Variants in PSME4 observed in about 807,000 individuals in gnomAD.
The protein encoded by PSME4 is proteasome activator complex subunit 4.
In PSME4, 89 loss-of-function variants were observed where a neutral mutation model predicts 253.9. The observed-to-expected ratio is 0.35, with a 90% CI of 0.30 to 0.42. The LOEUF (loss-of-function observed/expected upper bound fraction) is 0.42, where lower values mean the gene tolerates loss of function less well. PSME4 is among the 10% of genes least tolerant of loss of function. The pLI, the probability that PSME4 is intolerant of heterozygous loss-of-function variation, is 1.00. For synonymous variants in PSME4, 851 were observed against 759.2 expected (o/e 1.12, Z -1.99); for missense variants, 2,014 against 2,195.2 (o/e 0.92, Z 1.65).
Position 53,970,866 on chromosome 2 carries a change from G to T in PSME4, c.-82C>A. On this transcript the variant is annotated 5_prime_UTR_variant, in exon 1 of 47. Transcript: ENST00000404125. Reference sequence around the variant, plus strand: ...CCTCTCCGGGCTCCGCCTCCTCCGCGTCTTCGTCGCCCTGCGGCCGCTGGC... The same window carrying T: ...CCTCTCCGGGCTCCGCCTCCTCCGCTTCTTCGTCGCCCTGCGGCCGCTGGC... 8.3e-7 allele frequency: 1 copy of T among 1,202,254 alleles called. No individual in the cohort carries two copies. Among genetic ancestry groups the T allele is most frequent in the Non-Finnish European group, 1.1e-6 (1 of 922,390 alleles). 74.5% of individuals were successfully genotyped at this position (1,202,254 alleles called of 1,614,324 possible).
chr2:53,931,035 T>C (rs1668805350), intron 10 of PSME4, among the ~76,000 whole-genome samples: 1 of 152,226 alleles, frequency 6.6e-6, no homozygotes, highest in African/African-American at 2.4e-5. Context: ...CCCAGCACTT[T>C]GGGAGGCCAA....
chr2:53,867,312 T>C (rs115832771), intron 44 of PSME4, among the ~76,000 whole-genome samples: 4,700 of 152,040 alleles, frequency 0.031, 222 homozygotes, highest in African/African-American at 0.11. Flanking sequence ...CAAGAACAGC[T>C]TGGCCAACGT....
intron 24 of PSME4, among the ~76,000 whole-genome samples, chr2:53,907,654 T>C (rs1680720479): frequency 6.6e-6 from 1 of 152,154 alleles, no homozygotes; most frequent in African/African-American, 2.4e-5. Context: ...TACTGCTGAA[T>C]ATAAAACTGA....
chr2:53,970,277 G>A (rs1474653334), intron 1 of PSME4, among the ~76,000 whole-genome samples: 1 of 152,222 alleles, frequency 6.6e-6, no homozygotes, highest in Non-Finnish European at 1.5e-5. Context: ...CCCCAGGTGG[G>A]AAGACAACAA....
At chr2:53,951,578 C>A (rs1669999361) in intron 1 of PSME4, among the ~76,000 whole-genome samples, 1 of 152,154 alleles carries the variant, frequency 6.6e-6, no homozygotes, top group Non-Finnish European at 1.5e-5. Context: ...GAGGGAGGAG[C>A]AATGAGACGT....
rs199596247 is a variant in PSME4, at chr2:53,937,577, T to C, written c.546-37A>G. ...AGAAGGTTTTCATGTATCTGATTAT[T>C]GGCTAAAAGCTCTACAACAGCAATA... is the stretch of plus-strand genomic sequence containing the variant. On this transcript the variant is annotated intron_variant, in intron 4 of 46. Transcript: ENST00000404125. The C allele has an allele frequency of 5.2e-3, 8,302 of 1,589,992 alleles. 28 individuals are homozygous for C. The highest frequency in any genetic ancestry group is 6.2e-3 in the Non-Finnish European group (7,257 of 1,165,112).
chr2:53,908,171 AC>A lies in PSME4; in HGVS notation c.2784+148del, dbSNP rs1191780792. On this transcript the variant is annotated intron_variant, in intron 24 of 46. Transcript: ENST00000404125. ...TTTTGCTAGGATCCATTTGATTTCTACCATGATGTTTTTAACTTTTACATAC... is the reference window on the plus strand; with the variant it reads ...TTTTGCTAGGATCCATTTGATTTCTACATGATGTTTTTAACTTTTACATAC... 10 of 597,614 alleles carry A rather than the reference AC, an allele frequency of 1.7e-5. No homozygotes were observed. The East Asian group carries it at 2.9e-4, about 17-fold the overall frequency. 37.0% of individuals were successfully genotyped at this position (597,614 alleles called of 1,614,324 possible). A position where few individuals can be genotyped will look rare whatever the true frequency, so the allele number is the denominator to read the frequency against.
chr2:53,939,034 T>C (rs1669256062), intron 4 of PSME4, among the ~76,000 whole-genome samples: 1 of 152,110 alleles, frequency 6.6e-6, no homozygotes, highest in African/African-American at 2.4e-5. Flanking sequence ...ATAATCAAGT[T>C]TCCAGTGAGG....
chr2:53,904,018 C>T lies in PSME4; in HGVS notation c.3075+7G>A, dbSNP rs753659584. ...GTTTACAGTAAAATAGGAAAAAAACCCTATACCTTGAATTGTTGCTGTGTA... is the reference window on the plus strand; with the variant it reads ...GTTTACAGTAAAATAGGAAAAAAACTCTATACCTTGAATTGTTGCTGTGTA... On this transcript the variant is annotated splice_region_variant and intron_variant, in intron 27 of 46. Coordinates refer to ENST00000404125, the MANE Select transcript of PSME4 (RefSeq NM_014614.3). 12 of 1,597,354 alleles carry T rather than the reference C, an allele frequency of 7.5e-6. No homozygotes were observed. The East Asian group carries it at 2.2e-4, about 30-fold the overall frequency.
Position 53,916,913 on chromosome 2 carries a change from C to G in PSME4, c.2516+2238G>C, listed in dbSNP as rs146667374. On this transcript the variant is annotated intron_variant, in intron 20 of 46. Transcript: ENST00000404125. ...ACTCCCTCTTTTGGCAATTCAAAGG[C>G]AAAGACCTGTTCATTTATTCTTAAT... is the stretch of plus-strand genomic sequence containing the variant. 9.7e-3 allele frequency among the ~76,000 whole-genome samples: 1,469 copies of G among 152,000 alleles called. 29 individuals carry two copies. The highest frequency in any genetic ancestry group is 0.033 in the African/African-American group (1,381 of 41,514).
chr2:53,961,982 AAGGAAGG>A (rs1306988558), intron 1 of PSME4, among the ~76,000 whole-genome samples: 1 of 152,224 alleles, frequency 6.6e-6, no homozygotes, highest in Non-Finnish European at 1.5e-5. Context: ...GCAGAGAACA[AAGGAAGG>A]AGGAAGTAAC....
chr2:53,874,432 T>C lies in PSME4; in HGVS notation c.5007A>G (p.Val1669=). ...YTVLTYLQTM[V]FYNLFIFLNN... is the part of the protein sequence containing the mutation. Reference sequence around the variant, plus strand: ...TTAGGAAAATAAAGAGGTTATAAAATACCATGGTCTGGAGGTAGGTCAGTA... The same window carrying C: ...TTAGGAAAATAAAGAGGTTATAAAACACCATGGTCTGGAGGTAGGTCAGTA... Residue 1669 remains valine (V), a synonymous_variant, in exon 43 of 47, where the codon GTA becomes GTG. Coordinates refer to ENST00000404125, the MANE Select transcript of PSME4 (RefSeq NM_014614.3). The C allele has an allele frequency of 3.7e-6, 6 of 1,614,032 alleles. No homozygotes were observed. Among genetic ancestry groups the C allele is most frequent in the Non-Finnish European group, 4.2e-6 (5 of 1,179,900 alleles).
At chr2:53,942,999 G>A (rs1367016587) in intron 3 of PSME4, among the ~76,000 whole-genome samples, 2 of 152,178 alleles carry the variant, frequency 1.3e-5, no homozygotes, top group Non-Finnish European at 2.9e-5. Flanking sequence ...TAAGCCTGAG[G>A]AAAACCAATA....
Position 53,872,168 on chromosome 2 carries a change from C to A in PSME4, c.5100+2171G>T, listed in dbSNP as rs932798516. Among the ~76,000 whole-genome samples the A allele has an allele frequency of 2.0e-5, 3 of 152,198 alleles. No homozygotes were observed. In the South Asian group the frequency reaches 6.2e-4, roughly 31 times the overall value. ...TGCTCTTTTCCAGTGACAGGGTCTACTTCTGAGATATTTTACTCCAGGGTA... is the reference window on the plus strand; with the variant it reads ...TGCTCTTTTCCAGTGACAGGGTCTAATTCTGAGATATTTTACTCCAGGGTA... On this transcript the variant is annotated intron_variant, in intron 43 of 46. Transcript: ENST00000404125.
rs373704857 is a variant in PSME4, at chr2:53,874,378, C to T, written c.5061G>A (p.Arg1687=). 4.3e-5 allele frequency: 70 copies of T among 1,613,828 alleles called. No individual in the cohort carries two copies. The highest frequency in any genetic ancestry group is 5.7e-5 in the Non-Finnish European group (67 of 1,179,974). ...LNNEDAVKDI[R]WLVISLLEDE... is the part of the protein sequence containing the mutation. ...CCTCCAAAAGACTTATAACCAGCCA[C>T]CTGATATCTTTAACTGCATCTTCAT... The change falls in exon 43 of 47, where the codon AGG becomes AGA. Residue 1687 remains arginine, a synonymous_variant. Transcript: ENST00000404125.
chr2:53,908,820 G>A lies in PSME4; in HGVS notation c.2593C>T (p.Arg865Ter), dbSNP rs769161128. ...LEYDLSRENH[R>*]EVIATVIRKL... ...CTTATAACTGTAGCAATTACTTCTC[G>A]GTGGTTCTCTCGAGACAGATCTATT... The change falls in exon 22 of 47, where the codon CGA becomes TGA. Residue 865 changes from arginine (R) to a stop codon, truncating the protein, a stop_gained. Transcript: ENST00000404125. LOFTEE classifies it high-confidence loss of function. 2 of 1,601,214 alleles carry A rather than the reference G, an allele frequency of 1.2e-6. No homozygotes were observed. The highest frequency in any genetic ancestry group is 2.2e-5 in the East Asian group (1 of 44,498).
intron 20 of PSME4, 72 bp from the exon 21 acceptor site, chr2:53,910,202 G>T: frequency 1.6e-6 from 2 of 1,273,806 alleles, no homozygotes; most frequent in Non-Finnish European, 2.3e-6. Context: ...AAGTTTCATT[G>T]CTGGACTGTT....
At chr2:53,954,979 A>C (rs1670165635) in intron 1 of PSME4, among the ~76,000 whole-genome samples, 1 of 152,004 alleles carries the variant, frequency 6.6e-6, no homozygotes, top group Non-Finnish European at 1.5e-5. Flanking sequence ...CAGGAATTCA[A>C]GACTAGCCTG....
At chr2:53,878,848 A>G (rs1679252359) in intron 41 of PSME4, among the ~76,000 whole-genome samples, 1 of 152,188 alleles carries the variant, frequency 6.6e-6, no homozygotes, top group Non-Finnish European at 1.5e-5. Flanking sequence ...CCCAGGTCCT[A>G]TGGTTCTGTG....
Sources: allele counts gnomAD v4.1 joint callset (sites outside exome capture counted in the v4.1 genomes callset), GRCh38; gene constraint gnomAD v4.1.1; transcripts MANE v1.5; gene names NCBI Gene and HGNC (gene_info 2026-07-23, HGNC 2026-07-21).